The following PCDHA5 variants were observed in gnomAD, a reference collection of about 807,000 sequenced individuals.
PCDHA5 encodes protocadherin alpha 5, also known as protocadherin alpha-5.
In PCDHA5, 43 loss-of-function variants were observed where a neutral mutation model predicts 61.6. That is an observed-to-expected ratio of 0.70 (90% CI 0.55 to 0.90). PCDHA5 has a LOEUF of 0.90. Ranked by LOEUF, PCDHA5 falls within the 40% of genes least tolerant of loss-of-function variation. PCDHA5 has a pLI of 0.00. For synonymous variants in PCDHA5, 627 were observed against 543.9 expected (o/e 1.15, Z -2.13); for missense variants, 1,298 against 1,222.7 (o/e 1.06, Z -0.92).
At position 140,833,586 on chromosome 5, in the gene PCDHA5, T is replaced by C. The variant is rs1377047796; in HGVS notation, c.2352+9459T>C. Among the ~76,000 whole-genome samples the C allele has an allele frequency of 3.9e-5, 6 of 152,200 alleles. No homozygotes were observed. The East Asian group carries it at 9.7e-4, about 25-fold the overall frequency. ...ATAAAATGATGAACTCCTGAAACAGTATATATAGATTCTGCTAAAGCAAAA... is the reference window on the plus strand; with the variant it reads ...ATAAAATGATGAACTCCTGAAACAGCATATATAGATTCTGCTAAAGCAAAA... On this transcript the variant is annotated intron_variant, in intron 1 of 3. Transcript: ENST00000529859.
intron 1 of PCDHA5, chr5:140,876,415 G>A (rs782679956): frequency 6.2e-7 from 1 of 1,613,960 alleles, no homozygotes. Flanking sequence ...AGAGAATAAT[G>A]CCTATGAAAT....
intron 3 of PCDHA5, among the ~76,000 whole-genome samples, chr5:140,987,234 A>G (rs2097240958): frequency 6.6e-6 from 1 of 151,980 alleles, no homozygotes; most frequent in Non-Finnish European, 1.5e-5. Context: ...AAAATAATAA[A>G]TAAAGAAAGA....
chr5:140,914,076 T>C (rs2076593853), intron 1 of PCDHA5, among the ~76,000 whole-genome samples: 1 of 152,218 alleles, frequency 6.6e-6, no homozygotes, highest in Non-Finnish European at 1.5e-5. Context: ...TCCATAACTA[T>C]CTATTAGGTC....
At chr5:140,929,353 C>T in intron 1 of PCDHA5, 1 of 1,527,090 alleles carries the variant, frequency 6.5e-7, no homozygotes, top group Non-Finnish European at 8.8e-7. Context: ...AATTTGATTC[C>T]TTTGGCCCGG....
intron 1 of PCDHA5, chr5:140,855,784 A>T: frequency 2.4e-6 from 1 of 425,516 alleles, no homozygotes; most frequent in Non-Finnish European, 4.2e-6. Flanking sequence ...TACGTAAAAA[A>T]AGAATTAACA....
rs1554138767 is a variant in PCDHA5, at chr5:140,842,067, T to C, written c.2352+17940T>C. On this transcript the variant is annotated intron_variant, in intron 1 of 3. Coordinates refer to ENST00000529859, the MANE Select transcript of PCDHA5 (RefSeq NM_018908.3). ...ACTTTCGAACAGTCTGAATACGAAG[T>C]AAGAATATTCGAAAACGCAGACAAC... 5.6e-6 allele frequency: 9 copies of C among 1,613,874 alleles called. No individual in the cohort carries two copies. The South Asian group carries it at 9.9e-5, about 18-fold the overall frequency.
intron 1 of PCDHA5, among the ~76,000 whole-genome samples, chr5:140,888,454 A>G (rs1167294283): frequency 6.6e-6 from 1 of 152,234 alleles, no homozygotes; most frequent in Non-Finnish European, 1.5e-5. Context: ...ATAAAGAATT[A>G]GCTCAAAATG....
At chr5:140,876,972 C>T (rs374149249) in intron 1 of PCDHA5, 13 of 1,612,478 alleles carry the variant, frequency 8.1e-6, no homozygotes, top group Non-Finnish European at 1.1e-5. Context: ...GGCGGGTGGG[C>T]GAGCACGCAC....
At chr5:140,824,610 G>GTTTTTTTTTGT (rs1768200307) in intron 1 of PCDHA5, 1 of 95,104 alleles carries the variant, frequency 1.1e-5, no homozygotes, top group Non-Finnish European at 1.9e-5. Context: ...GCTAATTAAA[G>GTTTTTTTTTGT]TTTTTTTTTT....
intron 1 of PCDHA5, chr5:140,850,485 A>G: frequency 1.3e-6 from 2 of 1,597,954 alleles, no homozygotes; most frequent in Non-Finnish European, 1.7e-6. Context: ...GGCCACGGCC[A>G]CTGTGCTGGT....
chr5:140,990,189 A>C (rs2097379694), intron 3 of PCDHA5, among the ~76,000 whole-genome samples: 1 of 152,218 alleles, frequency 6.6e-6, no homozygotes, highest in Non-Finnish European at 1.5e-5. Flanking sequence ...TAAGAACCAA[A>C]TGTGGACCCG....
At position 140,823,478 on chromosome 5, in the gene PCDHA5, G is replaced by A. The variant is rs2150126228; in HGVS notation, c.1703G>A (p.Arg568Gln). ...AACGCGCCGGCGCTGCTGGTGCCTC[G>A]AGTGGGTGGCACCGGCGGCGCAGTG... ...NDNAPALLVP[R>Q]VGGTGGAVSE... The change falls in exon 1 of 4, where the codon CGA (arginine) becomes CAA (glutamine). Residue 568 changes from arginine (R) to glutamine (Q), a missense_variant. Arg to Gln is a conservative substitution (Grantham distance 43). Coordinates refer to ENST00000529859, the MANE Select transcript of PCDHA5 (RefSeq NM_018908.3). 51 of 1,613,354 alleles carry A rather than the reference G, an allele frequency of 3.2e-5. No homozygotes were observed. Among genetic ancestry groups the A allele is most frequent in the Non-Finnish European group, 3.7e-5 (44 of 1,179,732 alleles).
At chr5:140,930,553 A>C (rs1252554591) in intron 1 of PCDHA5, 1 of 152,562 alleles carries the variant, frequency 6.6e-6, no homozygotes, top group Non-Finnish European at 1.5e-5. Flanking sequence ...TTAGGACAAC[A>C]TTTTGAAGCA....
chr5:140,877,037 C>T lies in PCDHA5; in HGVS notation c.2352+52910C>T, dbSNP rs782624599. ...AGCGGCAAGGTGTACGCGCTGCAGC[C>T]GCTAGACCACGAGGAGCTGGAGCTG... On this transcript the variant is annotated intron_variant, in intron 1 of 3. Transcript: ENST00000529859. 6.8e-6 allele frequency: 11 copies of T among 1,612,374 alleles called. No individual in the cohort carries two copies. Among genetic ancestry groups the T allele is most frequent in the Admixed American group, 5.0e-5 (3 of 59,998 alleles).
At chr5:140,929,014 C>T (rs1554206582) in intron 1 of PCDHA5, 5 of 1,614,110 alleles carry the variant, frequency 3.1e-6, no homozygotes, top group Non-Finnish European at 4.2e-6. Flanking sequence ...TACCAAGTTG[C>T]ACCAGAGCCC....
chr5:140,881,127 A>G (rs1274793505), intron 1 of PCDHA5, among the ~76,000 whole-genome samples: 1 of 152,234 alleles, frequency 6.6e-6, no homozygotes, highest in Non-Finnish European at 1.5e-5. Context: ...GTGGCTTGGT[A>G]GAGATAGTTA....
intron 1 of PCDHA5, chr5:140,843,398 C>T (rs2150359248): frequency 2.5e-6 from 4 of 1,595,994 alleles, no homozygotes; most frequent in African/African-American, 2.7e-5. Flanking sequence ...GGAAGCGGCG[C>T]TGGTGGATGT....
intron 1 of PCDHA5, among the ~76,000 whole-genome samples, chr5:140,978,440 T>G (rs1238163577): frequency 2.0e-5 from 3 of 152,244 alleles, no homozygotes; most frequent in African/African-American, 7.2e-5. Context: ...GCTGGTGTTA[T>G]GACTGGGCAC....
At chr5:140,850,060 C>T (rs2150465360) in intron 1 of PCDHA5, 8 of 1,596,516 alleles carry the variant, frequency 5.0e-6, no homozygotes, top group East Asian at 4.5e-5. Flanking sequence ...GCGCTGCAGC[C>T]GTTGGACCAC....
Sources: allele counts gnomAD v4.1 joint callset (sites outside exome capture counted in the v4.1 genomes callset), GRCh38; gene constraint gnomAD v4.1.1; transcripts MANE v1.5; gene names NCBI Gene and HGNC (gene_info 2026-07-23, HGNC 2026-07-21).